The following AGO2 variants were observed in gnomAD, a reference collection of about 807,000 sequenced individuals.
The protein encoded by AGO2 is argonaute RISC catalytic component 2, also known as protein argonaute-2.
Under a neutral mutation model 102.3 loss-of-function variants are expected in AGO2, and 5 were observed. The ratio of observed to expected loss-of-function variants is 0.05; its 90% CI spans 0.03 to 0.10. The LOEUF (loss-of-function observed/expected upper bound fraction) is 0.10. AGO2 is among the 10% of genes least tolerant of loss of function. The pLI, the probability that AGO2 is intolerant of heterozygous loss-of-function variation, is 1.00. For synonymous variants in AGO2, 449 were observed against 473.1 expected (o/e 0.95, Z 0.66); for missense variants, 541 against 1,183.7 (o/e 0.46, Z 7.97).
chr8:140,563,811 A>T (rs564314240), intron 3 of AGO2, among the ~76,000 whole-genome samples: 1 of 152,338 alleles, frequency 6.6e-6, no homozygotes, highest in East Asian at 1.9e-4. Flanking sequence ...TGGTGGCACC[A>T]GGCACATTTG....
rs2072574890 is a variant in AGO2, at chr8:140,530,538, C to G, written c.*1506G>C. On this transcript the variant is annotated 3_prime_UTR_variant, in exon 19 of 19. Transcript: ENST00000220592. ...ACAGAGACAAAAAGCCCACTCAGCA[C>G]AAACAGAGTTGTCTGTTGTTAGCCT... 6.6e-6 allele frequency: 1 copy of G among 152,280 alleles called. No homozygotes were observed. Among genetic ancestry groups the G allele is most frequent in the African/African-American group, 2.4e-5 (1 of 41,462 alleles). 9.4% of individuals were successfully genotyped at this position (152,280 alleles called of 1,614,324 possible).
chr8:140,595,617 T>A (rs1588489626), intron 1 of AGO2, among the ~76,000 whole-genome samples: 1 of 6,490 alleles, frequency 1.5e-4, no homozygotes, highest in South Asian at 3.0e-3. Context: ...ATATATATAA[T>A]ATATATATAT....
upstream of AGO2, among the ~76,000 whole-genome samples, chr8:140,635,854 G>A (rs189010740): frequency 0.057 from 8,318 of 144,822 alleles, 751 homozygotes; most frequent in African/African-American, 0.18. Flanking sequence ...GGAGGGGCCC[G>A]GAGACCTCGC....
chr8:140,554,523 T>A (rs1005256433), intron 10 of AGO2, among the ~76,000 whole-genome samples: 1 of 152,150 alleles, frequency 6.6e-6, no homozygotes, highest in Non-Finnish European at 1.5e-5. Flanking sequence ...GGTAATGCTA[T>A]TATTTTCACA....
intron 14 of AGO2, among the ~76,000 whole-genome samples, chr8:140,543,517 G>A (rs529693378): frequency 2.0e-4 from 31 of 152,178 alleles, no homozygotes; most frequent in East Asian, 5.8e-4. Context: ...GTGCAGCGGC[G>A]CAATCTCTTC....
rs1239858077 is a variant in AGO2, at chr8:140,557,708, G to C, written c.879-472C>G. Among the ~76,000 whole-genome samples, 1 of 152,242 alleles carries C rather than the reference G, an allele frequency of 6.6e-6. No individual in the cohort carries two copies. On this transcript the variant is annotated intron_variant, in intron 7 of 18. Coordinates refer to ENST00000220592, the MANE Select transcript of AGO2 (RefSeq NM_012154.5). This position sits in a 1 kb window ranked among gnomAD's most constrained non-coding sequence, Gnocchi z 5.9. Reference sequence around the variant, plus strand: ...CTGGGTGCAGTATGGGTGAGTGAGGGGGAGGCCCACAGGCACAGGAAGGGT... The same window carrying C: ...CTGGGTGCAGTATGGGTGAGTGAGGCGGAGGCCCACAGGCACAGGAAGGGT...
At chr8:140,591,560 C>G (rs535108050) in intron 1 of AGO2, 1 of 152,364 alleles carries the variant, frequency 6.6e-6, no homozygotes, top group East Asian at 1.9e-4. Context: ...CCCGTACAGT[C>G]TAGGACTGAC....
At position 140,547,584 on chromosome 8, in the gene AGO2, C is replaced by T. The variant is rs565225642; in HGVS notation, c.1632G>A (p.Thr544=). The T allele has an allele frequency of 6.0e-5, 97 of 1,613,916 alleles. No homozygotes were observed. In the East Asian group the frequency reaches 7.1e-4, roughly 12 times the overall value. The change falls in exon 13 of 19, where the codon ACG becomes ACA. Residue 544 remains threonine (T), a synonymous_variant. Coordinates refer to ENST00000220592, the MANE Select transcript of AGO2 (RefSeq NM_012154.5). ...RVGDTVLGMA[T]QCVQMKNVQR... is the part of the protein sequence containing the mutation. ...GCACGTTCTTCATCTGCACGCACTG[C>T]GTGGCCATCCCCAGCACCGTGTCTC...
intron 1 of AGO2, among the ~76,000 whole-genome samples, chr8:140,606,840 G>C (rs7846183): frequency 0.026 from 3,938 of 152,082 alleles, 86 homozygotes; most frequent in Non-Finnish European, 0.039. Context: ...GGGAGGCTGA[G>C]ACAGGAGAAT....
At chr8:140,597,753 GT>G (rs2073869963) in intron 1 of AGO2, among the ~76,000 whole-genome samples, 1 of 151,730 alleles carries the variant, frequency 6.6e-6, no homozygotes, top group East Asian at 1.9e-4. Context: ...GTCCCACAGG[GT>G]TATAACACAT....
intron 1 of AGO2, among the ~76,000 whole-genome samples, chr8:140,613,122 C>A (rs1344273914): frequency 6.6e-6 from 1 of 152,110 alleles, no homozygotes; most frequent in Admixed American, 6.6e-5. Context: ...ATGGCGTGAA[C>A]CCGGGAGGCG....
intron 1 of AGO2, among the ~76,000 whole-genome samples, chr8:140,607,925 G>A (rs2074025638): frequency 6.6e-6 from 1 of 152,146 alleles, no homozygotes; most frequent in Admixed American, 6.5e-5. Flanking sequence ...GGTCCGTTTT[G>A]TTCCGCATAT....
At position 140,567,885 on chromosome 8, in the gene AGO2, G is replaced by A. The variant is rs112917224; in HGVS notation, c.336+4927C>T. On this transcript the variant is annotated intron_variant, in intron 3 of 18. Transcript: ENST00000220592. The surrounding 1 kb of genome is among the most constrained non-coding windows in gnomAD (Gnocchi z 5.0). ...CACGCCTGTAATCCCAGTACCGTGG[G>A]AGGCCGAGGCGGGCTGGATCGCTTG... 3.2e-3 allele frequency among the ~76,000 whole-genome samples: 490 copies of A among 152,286 alleles called. 4 individuals are homozygous for A. The highest frequency in any genetic ancestry group is 0.011 in the African/African-American group (475 of 41,568).
At chr8:140,598,890 A>G (rs983367333) in intron 1 of AGO2, among the ~76,000 whole-genome samples, 1 of 152,210 alleles carries the variant, frequency 6.6e-6, no homozygotes. Flanking sequence ...TCGCACCACC[A>G]GCCTCCCCAT....
At chr8:140,593,685 A>G (rs1017758778) in intron 1 of AGO2, among the ~76,000 whole-genome samples, 8 of 151,970 alleles carry the variant, frequency 5.3e-5, no homozygotes, top group African/African-American at 1.7e-4. Flanking sequence ...TGAAGAAGCA[A>G]TGGCCACCAC....
At chr8:140,597,885 G>A (rs1331710966) in intron 1 of AGO2, among the ~76,000 whole-genome samples, 1 of 152,144 alleles carries the variant, frequency 6.6e-6, no homozygotes, top group Non-Finnish European at 1.5e-5. Flanking sequence ...CTCATCACCG[G>A]GCTGTTGCGT....
At position 140,522,022 on chromosome 8, in the gene AGO2, A is replaced by AG. The variant is rs1364854906; in HGVS notation, c.*10021dup. On this transcript the variant is annotated 3_prime_UTR_variant, in exon 19 of 19. Transcript: ENST00000220592. ...TGGACATTTTTTTTTTTCTTTTCAC[A>AG]GGGGGGCAGTCGGGATTATAATACA... The AG allele has an allele frequency of 1.3e-5, 2 of 151,664 alleles. No homozygotes were observed. The highest frequency in any genetic ancestry group is 2.4e-5 in the African/African-American group (1 of 41,222). The allele number at this position is 151,664 out of a possible 1,614,324, so 9.4% of individuals were successfully genotyped here.
intron 13 of AGO2, among the ~76,000 whole-genome samples, chr8:140,544,868 G>T (rs2072871050): frequency 6.6e-6 from 1 of 152,226 alleles, no homozygotes; most frequent in African/African-American, 2.4e-5. Flanking sequence ...GTATATCCCA[G>T]TGGGGACTTC....
intron 3 of AGO2, among the ~76,000 whole-genome samples, chr8:140,566,732 T>A (rs532198585): frequency 6.6e-6 from 1 of 151,980 alleles, no homozygotes; most frequent in East Asian, 1.9e-4. Flanking sequence ...TGTCAAACTG[T>A]CTGACTCCAG....
Sources: gnomAD v4.1 joint callset for allele counts (sites outside exome capture counted in the v4.1 genomes callset) on GRCh38, gnomAD v4.1.1 for gene constraint, Gnocchi (gnomAD v3.1) non-coding constraint, MANE v1.5 for transcripts, NCBI Gene and HGNC (gene_info 2026-07-23, HGNC 2026-07-21) for gene names.